The following NT5E variants were observed in gnomAD, a reference collection of about 807,000 sequenced individuals.
NT5E encodes the protein 5'-nucleotidase ecto, also known as 5'-nucleotidase.
NT5E carries 53 observed loss-of-function variants against 55.1 expected under a neutral mutation model. The ratio of observed to expected loss-of-function variants is 0.96; its 90% CI spans 0.77 to 1.21. NT5E has a LOEUF of 1.21. NT5E is among the 50% of genes most tolerant of loss of function. The probability of loss-of-function intolerance (pLI) is 0.00; values close to 1 mark genes in which losing one functional copy is unlikely to be tolerated. For missense variants in NT5E, 683 were observed against 724.3 expected (o/e 0.94, Z 0.65); for synonymous variants, 270 against 278.4 (o/e 0.97, Z 0.30).
rs147196035 is a variant in NT5E, at chr6:85,462,414, C to T, written c.340-4646C>T. Among the ~76,000 whole-genome samples the T allele has an allele frequency of 7.2e-3, 1,103 of 152,246 alleles. 5 individuals are homozygous for T. Among genetic ancestry groups the T allele is most frequent in the South Asian group, 0.012 (58 of 4,830 alleles). On this transcript the variant is annotated intron_variant, in intron 1 of 8. Coordinates refer to ENST00000257770, the MANE Select transcript of NT5E (RefSeq NM_002526.4). ...TTTTTTTCTGCCAGATTTTCAGGTG[C>T]CCTCAGTTCCAGGAGCACCAAATCA...
intron 3 of NT5E, among the ~76,000 whole-genome samples, chr6:85,483,832 A>G (rs990289919): frequency 6.6e-6 from 1 of 152,138 alleles, no homozygotes; most frequent in Admixed American, 6.6e-5. Context: ...TTGATTTGTT[A>G]AGTGTCCTTT....
At chr6:85,491,709 A>T (rs1469837740) in intron 7 of NT5E, among the ~76,000 whole-genome samples, 1 of 152,212 alleles carries the variant, frequency 6.6e-6, no homozygotes, top group East Asian at 1.9e-4. Context: ...GAAAAACAGA[A>T]AAAGATGTGG....
intron 3 of NT5E, among the ~76,000 whole-genome samples, chr6:85,477,325 TTTGA>T (rs1769458348): frequency 6.6e-6 from 1 of 152,150 alleles, no homozygotes; most frequent in Admixed American, 6.5e-5. Flanking sequence ...GATTTCTTTA[TTTGA>T]TTGATCAGTT....
In NT5E at chr6:85,450,445, G is replaced by T; in HGVS notation, c.306G>T (p.Ala102=). 6.2e-7 allele frequency: 1 copy of T among 1,600,656 alleles called. No homozygotes were observed. Among genetic ancestry groups the T allele is most frequent in the South Asian group, 1.1e-5 (1 of 88,190 alleles). ...CCGTGTACAAGGGCGCCGAGGTGGC[G>T]CACTTCATGAACGCCCTGCGCTACG... ...WFTVYKGAEV[A]HFMNALRYDA... The change falls in exon 1 of 9, where the codon GCG becomes GCT. Residue 102 remains alanine (A), a synonymous_variant. Coordinates refer to ENST00000257770, the MANE Select transcript of NT5E (RefSeq NM_002526.4). The surrounding 1 kb of genome is among the most constrained non-coding windows in gnomAD (Gnocchi z 4.0).
chr6:85,485,353 G>A lies in NT5E; in HGVS notation c.870G>A (p.Leu290=), dbSNP rs1049199853. Residue 290 remains leucine (L), a synonymous_variant, in exon 4 of 9, where the codon CTG becomes CTA. Transcript: ENST00000257770. ...AYAFGKYLGY[L]KIEFDERGNV... ...CTTTTGGCAAATACCTAGGCTATCT[G>A]AAGATCGAGTTTGATGAAAGAGGAA... 2 of 1,614,044 alleles carry A rather than the reference G, an allele frequency of 1.2e-6. No homozygotes were observed. Among genetic ancestry groups the A allele is most frequent in the African/African-American group, 2.7e-5 (2 of 74,928 alleles).
At position 85,492,024 on chromosome 6, in the gene NT5E, G is replaced by C. The variant is rs142656691; in HGVS notation, c.1408G>C (p.Val470Leu). 6.2e-7 allele frequency: 1 copy of C among 1,614,218 alleles called. No individual in the cohort carries two copies. Among genetic ancestry groups the C allele is most frequent in the Non-Finnish European group, 8.5e-7 (1 of 1,180,024 alleles). ...DLSRKPGDRVVKLDVLCTKCR... is the reference protein window; with the variant it reads ...DLSRKPGDRVLKLDVLCTKCR... ...TTCCCGAAAACCTGGAGACAGAGTA[G>C]TCAAATTAGATGTTCTTTGCACCAA... is the stretch of plus-strand genomic sequence containing the variant. The change falls in exon 8 of 9, where the codon GTC (valine) becomes CTC (leucine). Residue 470 changes from valine to leucine, a missense_variant. Physicochemically the swap from Val to Leu is conservative, Grantham distance 32. Coordinates refer to ENST00000257770, the MANE Select transcript of NT5E (RefSeq NM_002526.4).
At chr6:85,478,803 C>CAGTTCTGCT (rs1156721325) in intron 3 of NT5E, among the ~76,000 whole-genome samples, 1 of 151,552 alleles carries the variant, frequency 6.6e-6, no homozygotes, top group East Asian at 1.9e-4. Context: ...TTCTAGGGCC[C>CAGTTCTGCT]AGTTCTGCTC....
intron 1 of NT5E, among the ~76,000 whole-genome samples, chr6:85,454,447 ATGTT>A (rs1309942858): frequency 6.6e-6 from 1 of 152,172 alleles, no homozygotes; most frequent in Non-Finnish European, 1.5e-5. Context: ...ATTTTTTGAT[ATGTT>A]TGTTAACTTT....
At chr6:85,481,843 TAGAA>T (rs1691752702) in intron 3 of NT5E, among the ~76,000 whole-genome samples, 1 of 152,232 alleles carries the variant, frequency 6.6e-6, no homozygotes, top group Admixed American at 6.5e-5. Flanking sequence ...ATTTATGTTT[TAGAA>T]AGATCACTCA....
intron 1 of NT5E, among the ~76,000 whole-genome samples, chr6:85,457,061 A>G (rs1439578606): frequency 6.6e-6 from 1 of 152,190 alleles, no homozygotes; most frequent in East Asian, 1.9e-4. Flanking sequence ...TGTAATCAAA[A>G]GATGATTATG....
chr6:85,487,310 G>A, intron 4 of NT5E, 25 bp from the exon 5 acceptor site: 1 of 1,602,028 alleles, frequency 6.2e-7, no homozygotes, highest in Non-Finnish European at 8.6e-7. Flanking sequence ...TTTAATTGTA[G>A]GGTACCTTCT....
chr6:85,450,331 C>T lies in NT5E; in HGVS notation c.192C>T (p.Leu64=), dbSNP rs753168702. 47 of 1,599,196 alleles carry T rather than the reference C, an allele frequency of 2.9e-5. No individual in the cohort carries two copies. In the South Asian group the frequency reaches 4.6e-4, roughly 16 times the overall value. ...ASRCMGGVAR[L]FTKVQQIRRA... Reference sequence around the variant, plus strand: ...GCTGCATGGGTGGCGTGGCTCGGCTCTTCACCAAGGTTCAGCAGATCCGCC... The same window carrying T: ...GCTGCATGGGTGGCGTGGCTCGGCTTTTCACCAAGGTTCAGCAGATCCGCC... Residue 64 remains leucine, a synonymous_variant, in exon 1 of 9, where the codon CTC becomes CTT. Transcript: ENST00000257770. The surrounding 1 kb of genome is among the most constrained non-coding windows in gnomAD (Gnocchi z 4.0).
intron 1 of NT5E, among the ~76,000 whole-genome samples, chr6:85,451,135 T>G (rs1033336780): frequency 6.6e-6 from 1 of 152,190 alleles, no homozygotes. Flanking sequence ...GTGCACATAG[T>G]GTGGTCTCTA....
chr6:85,493,829 A>G lies in NT5E; in HGVS notation c.1562-12A>G, dbSNP rs187551616. 5.2e-5 allele frequency: 84 copies of G among 1,604,396 alleles called. No individual in the cohort carries two copies. The highest frequency in any genetic ancestry group is 6.9e-5 in the Non-Finnish European group (81 of 1,171,366). ...CTTTTCTGTAGTTAAAATAATGTAT[A>G]TGTTTTTCTAGGTGACCAAGATATC... On this transcript the variant is annotated splice_polypyrimidine_tract_variant and intron_variant, in intron 8 of 8. Transcript: ENST00000257770.
Position 85,467,284 on chromosome 6 carries a change from T to C in NT5E, c.562+2T>C, listed in dbSNP as rs779596278. On this transcript the variant is annotated splice_donor_variant, in intron 2 of 8. Transcript: ENST00000257770. LOFTEE classifies it high-confidence loss of function. ...AAACCCCTTTTCTCTCAAATCCAGGTATTTTCTACTTTTATAGCACTCAAT... is the reference window on the plus strand; with the variant it reads ...AAACCCCTTTTCTCTCAAATCCAGGCATTTTCTACTTTTATAGCACTCAAT... 30 of 1,612,620 alleles carry C rather than the reference T, an allele frequency of 1.9e-5. No homozygotes were observed. Among genetic ancestry groups the C allele is most frequent in the African/African-American group, 5.3e-5 (4 of 74,912 alleles).
chr6:85,473,169 A>G (rs1562140529), intron 3 of NT5E, among the ~76,000 whole-genome samples: 1 of 152,218 alleles, frequency 6.6e-6, no homozygotes, highest in East Asian at 1.9e-4. Context: ...TAATTGGAGC[A>G]GGTCACTGGG....
chr6:85,455,948 G>T (rs1250836026), intron 1 of NT5E, among the ~76,000 whole-genome samples: 3 of 152,112 alleles, frequency 2.0e-5, no homozygotes, highest in East Asian at 3.9e-4. Flanking sequence ...CTAATGAGAT[G>T]ATCTATGGCT....
At chr6:85,470,443 T>TTAATTATA (rs1769282081) in intron 2 of NT5E, among the ~76,000 whole-genome samples, 1 of 152,192 alleles carries the variant, frequency 6.6e-6, no homozygotes. Flanking sequence ...AATGCTGGCA[T>TTAATTATA]TATTTATATA....
chr6:85,468,369 C>T (rs1352329288), intron 2 of NT5E, among the ~76,000 whole-genome samples: 1 of 152,130 alleles, frequency 6.6e-6, no homozygotes, highest in Admixed American at 6.5e-5. Flanking sequence ...CCCCCAACCC[C>T]ACCCTGGGGT....
Sources: allele counts gnomAD v4.1 joint callset (sites outside exome capture counted in the v4.1 genomes callset), GRCh38; gene constraint gnomAD v4.1.1; non-coding constraint Gnocchi (gnomAD v3.1); transcripts MANE v1.5; gene names NCBI Gene and HGNC (gene_info 2026-07-23, HGNC 2026-07-21).